BOD1L1: variants seen among roughly 807,000 people sequenced by gnomAD.
The protein encoded by BOD1L1 is biorientation of chromosomes in cell division protein 1-like 1.
BOD1L1 carries 86 observed loss-of-function variants against 240.7 expected under a neutral mutation model. That is an observed-to-expected ratio of 0.36 (90% confidence interval 0.30 to 0.43). The LOEUF (loss-of-function observed/expected upper bound fraction) is 0.43. Ranked by LOEUF, BOD1L1 falls within the 20% of genes least tolerant of loss-of-function variation. The pLI is 1.00. For synonymous variants in BOD1L1, 1,268 were observed against 1,272.3 expected, an observed-to-expected ratio of 1.00 and a Z score of 0.07; for missense variants, 3,554 against 3,643.5, an observed-to-expected ratio of 0.98 and a Z score of 0.63.
chr4:13,620,697 T>G (rs1186121511), intron 1 of BOD1L1, among the ~76,000 whole-genome samples: 4 of 152,156 alleles, frequency 2.6e-5, no homozygotes, highest in Non-Finnish European at 5.9e-5. Context: ...CAGCTAAGCT[T>G]TCTGATGGTT....
Position 13,602,987 on chromosome 4 carries a change from C to G in BOD1L1, c.3913G>C (p.Asp1305His). 1 of 1,613,990 alleles carries G rather than the reference C, an allele frequency of 6.2e-7. No homozygotes were observed. Among genetic ancestry groups the G allele is most frequent in the Non-Finnish European group, 8.5e-7 (1 of 1,179,898 alleles). Residue 1305 changes from aspartate to histidine, a missense_variant, in exon 10 of 26, where the codon GAC becomes CAC. Physicochemically the swap from Asp to His is moderately conservative, Grantham distance 81. Transcript: ENST00000040738. Reference sequence around the variant, plus strand: ...CTACCTTCCAAAACAGTTCTTTTGTCAAACAGAGGAATTACATCTGGATCA... The same window carrying G: ...CTACCTTCCAAAACAGTTCTTTTGTGAAACAGAGGAATTACATCTGGATCA... The part of the protein sequence containing the change: ...SYDPDVIPLF[D>H]KRTVLEGSTA...
chr4:13,582,101 GGT>G, intron 19 of BOD1L1, 134 bp downstream of exon 19: 1 of 632,702 alleles, frequency 1.6e-6, no homozygotes, highest in Non-Finnish European at 2.7e-6. Flanking sequence ...TGTATGAAAT[GGT>G]GTTCCATTGC....
chr4:13,596,959 C>T (rs1176651640), intron 11 of BOD1L1, 145 bp downstream of exon 11: 1 of 625,722 alleles, frequency 1.6e-6, no homozygotes, highest in Non-Finnish European at 2.7e-6. Flanking sequence ...AGCTTTCCCC[C>T]CACAGGATAT....
At chr4:13,573,150 C>G (rs186969920) in intron 25 of BOD1L1, among the ~76,000 whole-genome samples, 2 of 152,080 alleles carry the variant, frequency 1.3e-5, no homozygotes, top group African/African-American at 4.8e-5. Context: ...AAGAGCTCAT[C>G]AGGGTAGAAT....
intron 2 of BOD1L1, among the ~76,000 whole-genome samples, chr4:13,617,114 A>G (rs764153030): frequency 6.6e-6 from 1 of 151,876 alleles, no homozygotes; most frequent in Non-Finnish European, 1.5e-5. Flanking sequence ...GTGTGGTGGC[A>G]CGTGCCTGTA....
intron 17 of BOD1L1, among the ~76,000 whole-genome samples, chr4:13,584,950 C>T (rs1041492073): frequency 6.6e-6 from 1 of 152,188 alleles, no homozygotes; most frequent in African/African-American, 2.4e-5. Context: ...TTCCATGTAA[C>T]ATTCTTCTGT....
Position 13,627,660 on chromosome 4 carries a change from C to G in BOD1L1, c.-73G>C. The G allele has an allele frequency of 9.4e-7, 1 of 1,058,854 alleles. No individual in the cohort carries two copies. Among genetic ancestry groups the G allele is most frequent in the Non-Finnish European group, 1.1e-6 (1 of 875,346 alleles). 65.6% of individuals were successfully genotyped at this position (1,058,854 alleles called of 1,614,324 possible). A position where few individuals can be genotyped will look rare whatever the true frequency, so the allele number is the denominator to read the frequency against. On this transcript the variant is annotated 5_prime_UTR_variant, in exon 1 of 26. Transcript: ENST00000040738. The stretch of plus-strand genomic sequence containing the variant: ...TGGGAGGCGGCGGCTGCACTGGTCC[C>G]GCCGCCTGAGGGAAGCCAACGGGAT...
rs757769509 is a variant in BOD1L1 at position 13,603,308 on chromosome 4, C to T, written c.3592G>A (p.Asp1198Asn). 25 of 1,613,860 alleles carry T rather than the reference C, an allele frequency of 1.5e-5. No homozygotes were observed. The highest frequency in any genetic ancestry group is 4.4e-5 in the South Asian group (4 of 91,078). ...TTCTTGGTCAAGGTGCTTCTATGAT[C>T]GGCATGCTTTTCAGAATTACTATTA... ...GVNSNSEKHADHRSTLTKKMH... is the reference protein window; with the variant it reads ...GVNSNSEKHANHRSTLTKKMH... The change falls in exon 10 of 26, where the codon GAT (aspartate) becomes AAT (asparagine). Residue 1198 changes from aspartate to asparagine, a missense_variant. Around this residue, in one of 2 missense-constraint regions of BOD1L1, gnomAD observed 3,393 missense variants for 3,427.1 expected, o/e 0.99. Coordinates refer to ENST00000040738, the MANE Select transcript of BOD1L1 (RefSeq NM_148894.3).
rs1329770314 is a variant in BOD1L1, at chr4:13,569,984, A to C, written c.*27T>G. On this transcript the variant is annotated 3_prime_UTR_variant, in exon 26 of 26. Coordinates refer to ENST00000040738, the MANE Select transcript of BOD1L1 (RefSeq NM_148894.3). ...TCTTTCCTCTCCACCGTGTTCCTCC[A>C]TAAGCCTAGGGCAGCAGTGGTCAGG... 1 of 1,503,612 alleles carries C rather than the reference A, an allele frequency of 6.7e-7. No individual in the cohort carries two copies. Among genetic ancestry groups the C allele is most frequent in the Non-Finnish European group, 8.9e-7 (1 of 1,122,108 alleles). 93.1% of individuals were successfully genotyped at this position (1,503,612 alleles called of 1,614,324 possible).
chr4:13,599,941 C>G lies in BOD1L1; in HGVS notation c.6959G>C (p.Arg2320Thr). Residue 2320 changes from arginine (R) to threonine (T), a missense_variant, in exon 10 of 26, where the codon AGA becomes ACA. Physicochemically the swap from Arg to Thr is moderately conservative, Grantham distance 71 (BLOSUM62 -1). Around this residue, in one of 2 missense-constraint regions of BOD1L1, gnomAD observed 3,393 missense variants for 3,427.1 expected, o/e 0.99. Transcript: ENST00000040738. Reference sequence around the variant, plus strand: ...GGCAGCATCGCTCAAGTCTTCTACTCTTGTGATGGTGAGCCGATCTTCATC... The same window carrying G: ...GGCAGCATCGCTCAAGTCTTCTACTGTTGTGATGGTGAGCCGATCTTCATC... ...LQDEDRLTIT[R>T]VEDLSDAAII... The G allele has an allele frequency of 6.2e-7, 1 of 1,613,262 alleles. No homozygotes were observed. Among genetic ancestry groups the G allele is most frequent in the Non-Finnish European group, 8.5e-7 (1 of 1,179,536 alleles).
chr4:13,573,470 A>ATCTTTCTTTCTTTCTTTCTT (rs139972436), intron 25 of BOD1L1, among the ~76,000 whole-genome samples: 3 of 122,632 alleles, frequency 2.4e-5, no homozygotes, highest in African/African-American at 8.9e-5. Context: ...CTATCTATCT[A>ATCTTTCTTTCTTTCTTTCTT]TCTTTCTTTC....
intron 25 of BOD1L1, among the ~76,000 whole-genome samples, chr4:13,570,767 T>C (rs1712146298): frequency 6.6e-6 from 1 of 152,202 alleles, no homozygotes; most frequent in Non-Finnish European, 1.5e-5. Flanking sequence ...GAGAAAATCA[T>C]CCAGAGCCTT....
Position 13,601,598 on chromosome 4 carries a change from G to T in BOD1L1, c.5302C>A (p.Pro1768Thr), listed in dbSNP as rs751940701. 1.9e-6 allele frequency: 3 copies of T among 1,613,820 alleles called. No homozygotes were observed. Among genetic ancestry groups the T allele is most frequent in the African/African-American group, 2.7e-5 (2 of 74,894 alleles). Reference sequence around the variant, plus strand: ...TCTTGGCTGGCACTTGTTCCTGGTGGTGCATCATTATCTCCCAGGACAACA... The same window carrying T: ...TCTTGGCTGGCACTTGTTCCTGGTGTTGCATCATTATCTCCCAGGACAACA... The part of the protein sequence containing the change: ...AGVVLGDNDA[P>T]PGTSASQEGD... The change falls in exon 10 of 26, where the codon CCA (proline) becomes ACA (threonine). Residue 1768 changes from proline to threonine, a missense_variant. Physicochemically the swap from Pro to Thr is conservative, Grantham distance 38. Transcript: ENST00000040738.
chr4:13,609,546 A>C, intron 6 of BOD1L1, 140 bp from the exon 7 acceptor site: 1 of 508,298 alleles, frequency 2.0e-6, no homozygotes, highest in Non-Finnish European at 3.4e-6. Context: ...CATACACTAC[A>C]TATATATACA....
chr4:13,627,280 A>G, intron 1 of BOD1L1, 65 bp downstream of exon 1: 1 of 979,492 alleles, frequency 1.0e-6, no homozygotes, highest in Non-Finnish European at 1.3e-6. Context: ...AAGCCACTGC[A>G]AAAGAAGCGC....
At chr4:13,606,626 G>C (rs1715722966) in intron 9 of BOD1L1, among the ~76,000 whole-genome samples, 1 of 152,060 alleles carries the variant, frequency 6.6e-6, no homozygotes, top group South Asian at 2.1e-4. Flanking sequence ...AATAAATTAT[G>C]GTATGTACAT....
chr4:13,576,030 G>A (rs1712701005), intron 25 of BOD1L1, among the ~76,000 whole-genome samples: 1 of 150,806 alleles, frequency 6.6e-6, no homozygotes, highest in Admixed American at 6.6e-5. Flanking sequence ...AGCCTCCCGA[G>A]TAGCTGGGAT....
chr4:13,615,248 C>T (rs1292312932), intron 3 of BOD1L1, 64 bp downstream of exon 3: 2 of 1,429,140 alleles, frequency 1.4e-6, no homozygotes, highest in Non-Finnish European at 1.9e-6. Context: ...GCCAAGTATC[C>T]CTAACTTGAT....
At chr4:13,621,489 G>A (rs1717030309) in intron 1 of BOD1L1, among the ~76,000 whole-genome samples, 1 of 152,166 alleles carries the variant, frequency 6.6e-6, no homozygotes, top group African/African-American at 2.4e-5. Flanking sequence ...TGACACCGAA[G>A]GTAGGCTTAT....
Sources: allele counts gnomAD v4.1 joint callset (sites outside exome capture counted in the v4.1 genomes callset), GRCh38; gene constraint gnomAD v4.1.1; regional missense constraint gnomAD v4.1.1; transcripts MANE v1.5; gene names NCBI Gene and HGNC (gene_info 2026-07-23, HGNC 2026-07-21).